YWHAE: variants seen among roughly 807,000 people sequenced by gnomAD.
YWHAE encodes 14-3-3 protein epsilon.
Under a neutral mutation model 30.1 loss-of-function variants are expected in YWHAE, and 4 were observed. The observed-to-expected ratio is 0.13, with a 90% CI of 0.07 to 0.30. The LOEUF (loss-of-function observed/expected upper bound fraction) is 0.30. YWHAE is among the 10% of genes least tolerant of loss of function. YWHAE has a pLI of 1.00. For missense variants in YWHAE, 121 were observed against 315.9 expected, an observed-to-expected ratio of 0.38 and a Z score of 4.68; for synonymous variants, 118 against 111.8, an observed-to-expected ratio of 1.06 and a Z score of -0.35.
chr17:1,349,942 G>GA (rs970867352), intron 5 of YWHAE, among the ~76,000 whole-genome samples: 10 of 133,906 alleles, frequency 7.5e-5, no homozygotes, highest in Non-Finnish European at 3.1e-5. Flanking sequence ...TAAAAACTGC[G>GA]AAAGTATTAC....
At chr17:1,384,603 T>G (rs562731660) in intron 1 of YWHAE, among the ~76,000 whole-genome samples, 63 of 152,132 alleles carry the variant, frequency 4.1e-4, no homozygotes, top group Non-Finnish European at 7.6e-4. Flanking sequence ...TGAGGCAGGA[T>G]AATGGAGTGT....
At chr17:1,357,132 G>A (rs1239944977) in intron 4 of YWHAE, among the ~76,000 whole-genome samples, 11 of 151,288 alleles carry the variant, frequency 7.3e-5, no homozygotes, top group Admixed American at 2.0e-4. Flanking sequence ...GGCCGGGCGC[G>A]GTGGCTCACA....
chr17:1,344,915 T>C lies in YWHAE; in HGVS notation c.*532A>G, dbSNP rs2072491196. 1 of 233,462 alleles carries C rather than the reference T, an allele frequency of 4.3e-6. No homozygotes were observed. The highest frequency in any genetic ancestry group is 1.8e-4 in the South Asian group (1 of 5,552). The allele number at this position is 233,462 out of a possible 1,614,324, so 14.5% of individuals were successfully genotyped here. A position where few individuals can be genotyped will look rare whatever the true frequency, so the allele number is the denominator to read the frequency against. ...ACATTTCAGCGGAGTTGGAAACATT[T>C]TTTACAGCAAAACCATTACAACGAA... On this transcript the variant is annotated 3_prime_UTR_variant, in exon 6 of 6. Coordinates refer to ENST00000264335, the MANE Select transcript of YWHAE (RefSeq NM_006761.5).
chr17:1,373,113 C>T (rs765811455), intron 1 of YWHAE, among the ~76,000 whole-genome samples: 6 of 151,606 alleles, frequency 4.0e-5, no homozygotes, highest in Middle Eastern at 3.4e-3. Flanking sequence ...CATGGGGGCG[C>T]GTGCCTGTAA....
chr17:1,364,193 T>A (rs1036476259), intron 2 of YWHAE, among the ~76,000 whole-genome samples: 5 of 149,642 alleles, frequency 3.3e-5, no homozygotes, highest in Non-Finnish European at 7.4e-5. Context: ...AAAAGAGGAA[T>A]CAGACAAATT....
chr17:1,354,959 G>C (rs2072703928), intron 4 of YWHAE, among the ~76,000 whole-genome samples: 1 of 120,616 alleles, frequency 8.3e-6, no homozygotes, highest in Non-Finnish European at 1.7e-5. Context: ...ACCGCGCCCA[G>C]CCTAGTTTTT....
intron 1 of YWHAE, among the ~76,000 whole-genome samples, chr17:1,393,804 T>G (rs922667321): frequency 3.9e-5 from 6 of 152,172 alleles, no homozygotes; most frequent in Non-Finnish European, 7.3e-5. Context: ...TAAATCATGT[T>G]TTTTAAGAAT....
chr17:1,382,976 C>T (rs980037971), intron 1 of YWHAE, among the ~76,000 whole-genome samples: 20 of 150,050 alleles, frequency 1.3e-4, no homozygotes, highest in Non-Finnish European at 2.4e-4. Flanking sequence ...AGTGAGCTGA[C>T]CTCATGCCAC....
intron 1 of YWHAE, among the ~76,000 whole-genome samples, chr17:1,397,666 G>A (rs574718490): frequency 2.0e-5 from 3 of 152,204 alleles, no homozygotes; most frequent in East Asian, 3.9e-4. Flanking sequence ...CCCGACACCT[G>A]CTAAGTTCTG....
chr17:1,392,312 A>G (rs928649842), intron 1 of YWHAE, among the ~76,000 whole-genome samples: 1 of 152,102 alleles, frequency 6.6e-6, no homozygotes, highest in African/African-American at 2.4e-5. Context: ...GAGGTTGAGG[A>G]TGCAGTGAAT....
intron 1 of YWHAE, among the ~76,000 whole-genome samples, chr17:1,370,733 C>T (rs2073028563): frequency 1.3e-5 from 2 of 152,014 alleles, no homozygotes; most frequent in African/African-American, 4.8e-5. Flanking sequence ...CGGTGGCTCA[C>T]GCCTAGTAAT....
chr17:1,366,970 C>T (rs1278463059), intron 1 of YWHAE, among the ~76,000 whole-genome samples: 1 of 151,784 alleles, frequency 6.6e-6, no homozygotes, highest in Non-Finnish European at 1.5e-5. Context: ...AAAACCAAAA[C>T]ACTATTAAAT....
At chr17:1,362,358 T>C (rs962726232) in intron 2 of YWHAE, among the ~76,000 whole-genome samples, 1 of 152,114 alleles carries the variant, frequency 6.6e-6, no homozygotes, top group Non-Finnish European at 1.5e-5. Context: ...ATTACATGAA[T>C]TACCTTCTTT....
intron 1 of YWHAE, among the ~76,000 whole-genome samples, chr17:1,369,211 T>C (rs2072992420): frequency 6.6e-6 from 1 of 152,120 alleles, no homozygotes; most frequent in African/African-American, 2.4e-5. Context: ...CCATTTAAAG[T>C]GTACTATTCG....
chr17:1,388,199 G>C (rs921432755), intron 1 of YWHAE, among the ~76,000 whole-genome samples: 18 of 130,514 alleles, frequency 1.4e-4, no homozygotes, highest in Middle Eastern at 4.9e-3. Context: ...CTGACCTCGT[G>C]ATCTGCCCTC....
In YWHAE at chr17:1,400,196, G is replaced by C. The variant is rs946234459; in HGVS notation, c.-86C>G. Reference sequence around the variant, plus strand: ...TCTCAGCCTCTCGCTCCGCGTCCGGGCAGCAAAAATGGCGGCGCCTCAATC... The same window carrying C: ...TCTCAGCCTCTCGCTCCGCGTCCGGCCAGCAAAAATGGCGGCGCCTCAATC... On this transcript the variant is annotated 5_prime_UTR_variant, in exon 1 of 6. Coordinates refer to ENST00000264335, the MANE Select transcript of YWHAE (RefSeq NM_006761.5). 3.9e-6 allele frequency: 6 copies of C among 1,544,886 alleles called. No individual in the cohort carries two copies. The highest frequency in any genetic ancestry group is 1.4e-5 in the African/African-American group (1 of 73,688).
chr17:1,347,865 G>T, intron 5 of YWHAE: 2 of 746,010 alleles, frequency 2.7e-6, no homozygotes, highest in Non-Finnish European at 3.3e-6. Context: ...AGGTGGAACA[G>T]GCAGAGTCTG....
chr17:1,373,675 AAAAAG>A (rs1217266889), intron 1 of YWHAE, among the ~76,000 whole-genome samples: 2 of 152,036 alleles, frequency 1.3e-5, no homozygotes, highest in Admixed American at 6.6e-5. Flanking sequence ...CTCAAAAAAA[AAAAAG>A]AAAAGTTTGA....
At chr17:1,374,940 C>G (rs180926115) in intron 1 of YWHAE, among the ~76,000 whole-genome samples, 419 of 152,210 alleles carry the variant, frequency 2.8e-3, no homozygotes, top group Admixed American at 4.8e-3. Flanking sequence ...GGTCTCACTA[C>G]GTTGCCCTGA....
Sources: gnomAD v4.1 joint callset for allele counts (sites outside exome capture counted in the v4.1 genomes callset) on GRCh38, gnomAD v4.1.1 for gene constraint, MANE v1.5 for transcripts, NCBI Gene and HGNC (gene_info 2026-07-23, HGNC 2026-07-21) for gene names.